The following ZNHIT6 variants were observed in gnomAD, a reference collection of about 807,000 sequenced individuals.
ZNHIT6 encodes the protein box C/D snoRNA protein 1.
Under a neutral mutation model 57.2 loss-of-function variants are expected in ZNHIT6, and 45 were observed. That is an observed-to-expected ratio of 0.79 (90% CI 0.62 to 1.01). The LOEUF (loss-of-function observed/expected upper bound fraction) is 1.01. ZNHIT6 is among the 50% of genes least tolerant of loss of function. ZNHIT6 has a pLI of 0.00. For missense variants in ZNHIT6, 528 were observed against 567.3 expected (o/e 0.93, Z 0.70); for synonymous variants, 188 against 190.0 (o/e 0.99, Z 0.09).
chr1:85,678,953 G>T (rs1398160351), intron 6 of ZNHIT6, among the ~76,000 whole-genome samples, 172 bp from the exon 7 acceptor site: 2 of 151,830 alleles, frequency 1.3e-5, no homozygotes, highest in East Asian at 3.9e-4. Flanking sequence ...AATTACTTAG[G>T]AAAAAGCTCA....
intron 5 of ZNHIT6, among the ~76,000 whole-genome samples, chr1:85,682,332 T>C (rs1345573650): frequency 6.6e-6 from 1 of 151,976 alleles, no homozygotes; most frequent in Non-Finnish European, 1.5e-5. Flanking sequence ...CCTCATTTTG[T>C]TCATCTTAAT....
intron 5 of ZNHIT6, among the ~76,000 whole-genome samples, chr1:85,688,223 ATAT>A (rs959657202): frequency 5.9e-5 from 9 of 152,176 alleles, no homozygotes; most frequent in African/African-American, 2.2e-4. Context: ...ATGAGGTAAA[ATAT>A]TATTATTTCA....
At chr1:85,659,572 G>A (rs1478698067) in intron 8 of ZNHIT6, among the ~76,000 whole-genome samples, 1 of 152,122 alleles carries the variant, frequency 6.6e-6, no homozygotes, top group African/African-American at 2.4e-5. Context: ...GGTTATCATT[G>A]GGATACATTT....
At chr1:85,682,983 A>G (rs1331367817) in intron 5 of ZNHIT6, among the ~76,000 whole-genome samples, 2 of 152,188 alleles carry the variant, frequency 1.3e-5, no homozygotes, top group African/African-American at 4.8e-5. Flanking sequence ...TTGGGAGGCC[A>G]AGGTGGGCGC....
chr1:85,652,318 T>C lies in ZNHIT6; in HGVS notation c.*1740A>G, dbSNP rs1355931340. On this transcript the variant is annotated 3_prime_UTR_variant, in exon 10 of 10. Transcript: ENST00000370574. ...TTCACTCAATTCATCTATTTCTTGC[T>C]GGTTTCAAGAAGACACATTTCACTT... 2 of 152,232 alleles carry C rather than the reference T, an allele frequency of 1.3e-5. No individual in the cohort carries two copies. The highest frequency in any genetic ancestry group is 2.9e-5 in the Non-Finnish European group (2 of 68,036). 9.4% of individuals were successfully genotyped at this position (152,232 alleles called of 1,614,324 possible).
chr1:85,693,956 T>C (rs1433798419), intron 5 of ZNHIT6, among the ~76,000 whole-genome samples: 1 of 152,306 alleles, frequency 6.6e-6, no homozygotes, highest in African/African-American at 2.4e-5. Flanking sequence ...CTGACTCTAT[T>C]TTTTAAAAAG....
intron 5 of ZNHIT6, among the ~76,000 whole-genome samples, chr1:85,695,891 C>T (rs929112647): frequency 4.6e-5 from 7 of 152,156 alleles, no homozygotes; most frequent in African/African-American, 1.7e-4. Flanking sequence ...AAAAAATTAG[C>T]CAGGTGTGGT....
At chr1:85,676,336 C>CAAAA (rs754000429) in intron 8 of ZNHIT6, among the ~76,000 whole-genome samples, 2 of 54,420 alleles carry the variant, frequency 3.7e-5, no homozygotes, top group African/African-American at 1.4e-4. Flanking sequence ...AACTCCGTCT[C>CAAAA]AAAAAAAAAA....
intron 3 of ZNHIT6, 21 bp from the exon 4 acceptor site, chr1:85,706,184 G>A (rs1249085608): frequency 6.2e-7 from 1 of 1,612,114 alleles, no homozygotes; most frequent in Non-Finnish European, 8.5e-7. Flanking sequence ...CAAAACAGAA[G>A]AATAAACAAG....
chr1:85,667,961 A>AAAAAAAAAAAAAAAAAAAATAT, intron 8 of ZNHIT6, among the ~76,000 whole-genome samples: 12 of 18,202 alleles, frequency 6.6e-4, no homozygotes, highest in Admixed American at 1.3e-3. Context: ...AAAAAAAAAA[A>AAAAAAAAAAAAAAAAAAAATAT]ATATATATAT....
chr1:85,670,691 T>C (rs1661533774), intron 8 of ZNHIT6, among the ~76,000 whole-genome samples: 1 of 152,220 alleles, frequency 6.6e-6, no homozygotes, highest in Non-Finnish European at 1.5e-5. Context: ...ACAGAAATTA[T>C]ATCCAGTTTG....
intron 4 of ZNHIT6, among the ~76,000 whole-genome samples, chr1:85,702,536 T>C (rs981799694): frequency 7.9e-5 from 12 of 152,222 alleles, no homozygotes; most frequent in Admixed American, 7.9e-4. Context: ...TTCCAGAGCT[T>C]GTGTTTCTAA....
At chr1:85,687,303 A>AAAAAAAAAAAC (rs1662085964) in intron 5 of ZNHIT6, among the ~76,000 whole-genome samples, 1 of 142,014 alleles carries the variant, frequency 7.0e-6, no homozygotes, top group African/African-American at 2.6e-5. Flanking sequence ...AAAAAACAAA[A>AAAAAAAAAAAC]AAAAAAAACA....
intron 8 of ZNHIT6, among the ~76,000 whole-genome samples, chr1:85,669,476 T>C (rs1348106213): frequency 1.3e-5 from 2 of 152,324 alleles, no homozygotes; most frequent in Non-Finnish European, 2.9e-5. Context: ...CTTTTGCTGG[T>C]TGCTTTTCAA....
At chr1:85,664,759 C>T (rs776488012) in intron 8 of ZNHIT6, among the ~76,000 whole-genome samples, 68 of 151,996 alleles carry the variant, frequency 4.5e-4, no homozygotes, top group Non-Finnish European at 7.2e-4. Context: ...GTACACGTAC[C>T]CCTGAACCTA....
Position 85,708,295 on chromosome 1 carries a change from TCCTTGG to T in ZNHIT6, c.-17_-12del. The stretch of plus-strand genomic sequence containing the variant: ...AGCAGCAAACTCCATCAACTCACGA[TCCTTGG>T]CCTCTGCTGCCACTCTATCCTTCAA... On this transcript the variant is annotated 5_prime_UTR_variant, in exon 1 of 10. Coordinates refer to ENST00000370574, the MANE Select transcript of ZNHIT6 (RefSeq NM_017953.4). The T allele has an allele frequency of 6.3e-7, 1 of 1,583,410 alleles. No homozygotes were observed. The highest frequency in any genetic ancestry group is 8.6e-7 in the Non-Finnish European group (1 of 1,163,294).
intron 7 of ZNHIT6, among the ~76,000 whole-genome samples, chr1:85,678,410 AG>A (rs1274260290): frequency 6.6e-6 from 1 of 152,184 alleles, no homozygotes; most frequent in Non-Finnish European, 1.5e-5. Flanking sequence ...AACCACTTCA[AG>A]GCTCAGTTTC....
chr1:85,707,775 T>A lies in ZNHIT6; in HGVS notation c.510A>T (p.Gln170His), dbSNP rs779773889. 1.2e-6 allele frequency: 2 copies of A among 1,614,218 alleles called. No homozygotes were observed. Among genetic ancestry groups the A allele is most frequent in the Non-Finnish European group, 1.7e-6 (2 of 1,180,032 alleles). ...EIKQEEKFVG[Q>H]CIKEELMHGE... is the part of the protein sequence containing the mutation. ...CATGCATCAATTCCTCTTTTATGCATTGACCAACAAACTTCTCCTCCTGTT... is the reference window on the plus strand; with the variant it reads ...CATGCATCAATTCCTCTTTTATGCAATGACCAACAAACTTCTCCTCCTGTT... The change falls in exon 1 of 10, where the codon CAA (glutamine) becomes CAT (histidine). Residue 170 changes from glutamine (Q) to histidine (H), a missense_variant. By Grantham distance (24) the Gln-to-His change is conservative. Coordinates refer to ENST00000370574, the MANE Select transcript of ZNHIT6 (RefSeq NM_017953.4).
In ZNHIT6 at chr1:85,651,152, T is replaced by G. The variant is rs954652842; in HGVS notation, c.*2906A>C. 1 of 152,200 alleles carries G rather than the reference T, an allele frequency of 6.6e-6. No homozygotes were observed. The highest frequency in any genetic ancestry group is 1.9e-4 in the East Asian group (1 of 5,198). 9.4% of individuals were successfully genotyped at this position (152,200 alleles called of 1,614,324 possible). On this transcript the variant is annotated 3_prime_UTR_variant, in exon 10 of 10. Transcript: ENST00000370574. ...TGATTAACATTTTAATTATATGTCA[T>G]GAAACCCAAATCCCACTACTTGCTA...
Sources: gnomAD v4.1 joint callset for allele counts (sites outside exome capture counted in the v4.1 genomes callset) on GRCh38, gnomAD v4.1.1 for gene constraint, MANE v1.5 for transcripts, NCBI Gene and HGNC (gene_info 2026-07-23, HGNC 2026-07-21) for gene names.